Variants in TMEM230 observed in about 807,000 individuals in gnomAD.
TMEM230 encodes the protein UPF0414 transmembrane protein C20orf30.
In TMEM230, 10 loss-of-function variants were observed where a neutral mutation model predicts 15.8. The ratio of observed to expected loss-of-function variants is 0.63; its 90% CI spans 0.39 to 1.07. The LOEUF (loss-of-function observed/expected upper bound fraction) is 1.07, where lower values mean the gene tolerates loss of function less well. Ranked by LOEUF, TMEM230 falls within the 50% of genes least tolerant of loss-of-function variation. The pLI, the probability that TMEM230 is intolerant of heterozygous loss-of-function variation, is 0.01. For synonymous variants in TMEM230, 67 were observed against 76.9 expected (o/e 0.87, Z 0.68); for missense variants, 165 against 193.3 (o/e 0.85, Z 0.87).
rs150032926 is a variant in TMEM230 at position 5,087,573 on chromosome 20, C to T, written c.223-18224G>A. On this transcript the variant is annotated intron_variant, in intron 3 of 3. Transcript: ENST00000612323. Reference sequence around the variant, plus strand: ...GCAGTGGTACAATCTACAACCTCTACCTCCTCTCCCCTGGCCTGGGTAGAG... The same window carrying T: ...GCAGTGGTACAATCTACAACCTCTATCTCCTCTCCCCTGGCCTGGGTAGAG... Among the ~76,000 whole-genome samples, 373 of 151,482 alleles carry T rather than the reference C, an allele frequency of 2.5e-3. 7 individuals are homozygous for T. The East Asian group carries it at 0.029, about 12-fold the overall frequency.
downstream of TMEM230, among the ~76,000 whole-genome samples, chr20:5,066,906 A>T (rs924334854): frequency 1.3e-5 from 2 of 151,892 alleles, no homozygotes; most frequent in African/African-American, 2.4e-5. Flanking sequence ...ATCCACATAC[A>T]TCCAAGCCCC....
intron 3 of TMEM230, among the ~76,000 whole-genome samples, chr20:5,080,108 G>A (rs2089136763): frequency 6.6e-6 from 1 of 152,144 alleles, no homozygotes; most frequent in African/African-American, 2.4e-5. Context: ...ATGAGACAAT[G>A]TTCCTAAATG....
At chr20:5,105,624 T>A (rs1307295931) in intron 4 of TMEM230, among the ~76,000 whole-genome samples, 1 of 152,148 alleles carries the variant, frequency 6.6e-6, no homozygotes. Context: ...ATACAAATGA[T>A]GAATGCTTGA....
rs548101762 is a variant in TMEM230, at chr20:5,106,791, G to C, written c.289-481C>G. On this transcript the variant is annotated intron_variant, in intron 3 of 4. Coordinates refer to ENST00000342308, the MANE Select transcript of TMEM230 (RefSeq NM_001009923.2). Reference sequence around the variant, plus strand: ...TGCAATTACAGCTCATTGCAGCCTCGAACTCCTGGGCTCAAGCAATTCTCT... The same window carrying C: ...TGCAATTACAGCTCATTGCAGCCTCCAACTCCTGGGCTCAAGCAATTCTCT... 3.2e-4 allele frequency among the ~76,000 whole-genome samples: 48 copies of C among 152,168 alleles called. No individual in the cohort carries two copies. The East Asian group carries it at 8.1e-3, about 26-fold the overall frequency.
At chr20:5,072,647 G>A (rs567311111) in intron 3 of TMEM230, among the ~76,000 whole-genome samples, 7 of 151,996 alleles carry the variant, frequency 4.6e-5, no homozygotes, top group Admixed American at 2.0e-4. Context: ...TCGGGAGTTC[G>A]AGACCAGCCT....
chr20:5,066,954 G>T (rs1397365753), downstream of TMEM230, among the ~76,000 whole-genome samples: 1 of 152,002 alleles, frequency 6.6e-6, no homozygotes, highest in Non-Finnish European at 1.5e-5. Context: ...ACTTCAAAAT[G>T]AAGCAATATT....
At chr20:5,108,494 C>T (rs1255229903) in intron 3 of TMEM230, among the ~76,000 whole-genome samples, 1 of 151,058 alleles carries the variant, frequency 6.6e-6, no homozygotes, top group East Asian at 1.9e-4. Flanking sequence ...TTCCACATAG[C>T]AAGTAAACCT....
rs1433403239 is a variant in TMEM230, at chr20:5,113,051, C to T, written c.-23G>A. 2 of 1,543,378 alleles carry T rather than the reference C, an allele frequency of 1.3e-6. No homozygotes were observed. On this transcript the variant is annotated 5_prime_UTR_variant, in exon 1 of 5. It adds an upstream start codon to the 5' untranslated region. Coordinates refer to ENST00000342308, the MANE Select transcript of TMEM230 (RefSeq NM_001009923.2). ...CATGGCATGGCCCGCTTAAGTGCCA[C>T]TCAGCCGGCCCCAGGCGGGATCAGT...
At chr20:5,074,855 G>A (rs1450167176) in intron 3 of TMEM230, among the ~76,000 whole-genome samples, 1 of 152,052 alleles carries the variant, frequency 6.6e-6, no homozygotes, top group Non-Finnish European at 1.5e-5. Flanking sequence ...ATAAAGACAG[G>A]CCTTGCTATG....
At chr20:5,066,198 C>T (rs1216662720), downstream of TMEM230, 3 of 152,266 alleles carry the variant, frequency 2.0e-5, no homozygotes, top group Non-Finnish European at 4.4e-5. Flanking sequence ...TGGCTCTCCA[C>T]ATCCCAGGGC....
chr20:5,079,986 T>A (rs888511283), intron 3 of TMEM230, among the ~76,000 whole-genome samples: 1 of 152,330 alleles, frequency 6.6e-6, no homozygotes, highest in South Asian at 2.1e-4. Flanking sequence ...CATTACATCT[T>A]ACTGAGATAC....
intron 2 of TMEM230, chr20:5,111,484 C>A: frequency 5.1e-6 from 1 of 195,714 alleles, no homozygotes; most frequent in Non-Finnish European, 1.1e-5. Context: ...TGGTGGGTGC[C>A]TGTAGTCCCA....
rs1448187380 is a variant in TMEM230 at position 5,100,716 on chromosome 20, C to CA, written c.*74dup. ...GCAAGCTGCAGAATTCCTTAGTCCTCAGCTATAGTTTCTGCTAGATATCTT... is the reference window on the plus strand; with the variant it reads ...GCAAGCTGCAGAATTCCTTAGTCCTCAAGCTATAGTTTCTGCTAGATATCTT... On this transcript the variant is annotated 3_prime_UTR_variant, in exon 5 of 5. Transcript: ENST00000342308. 6.4e-7 allele frequency: 1 copy of CA among 1,568,028 alleles called. No individual in the cohort carries two copies. The highest frequency in any genetic ancestry group is 1.4e-5 in the African/African-American group (1 of 73,456).
intron 3 of TMEM230, among the ~76,000 whole-genome samples, chr20:5,081,207 G>A (rs1221377248): frequency 1.3e-5 from 2 of 152,206 alleles, no homozygotes; most frequent in Non-Finnish European, 2.9e-5. Flanking sequence ...GTTTGAATCT[G>A]AGATGTGTCC....
rs2089811044 is a variant in TMEM230 at position 5,100,509 on chromosome 20, TG to T, written c.*281del. The T allele has an allele frequency of 8.7e-7, 1 of 1,153,732 alleles. No homozygotes were observed. The highest frequency in any genetic ancestry group is 4.4e-5 in the Admixed American group (1 of 22,726). 71.5% of individuals were successfully genotyped at this position (1,153,732 alleles called of 1,614,324 possible). ...AAATGCTCAGCTCTACAGAGGGTGG[TG>T]GCAGGCAACACTTTTCCATTACAGA... On this transcript the variant is annotated 3_prime_UTR_variant, in exon 5 of 5. Transcript: ENST00000342308.
chr20:5,092,088 T>A (rs920849525), intron 3 of TMEM230, among the ~76,000 whole-genome samples: 1 of 152,234 alleles, frequency 6.6e-6, no homozygotes, highest in African/African-American at 2.4e-5. Flanking sequence ...ACTTTGTGCC[T>A]GCCTCCTTTG....
chr20:5,081,873 C>CTTTTTTTTTT (rs10547417), intron 3 of TMEM230, among the ~76,000 whole-genome samples: 6 of 43,868 alleles, frequency 1.4e-4, no homozygotes, highest in Non-Finnish European at 1.9e-4. Context: ...TCTTTTTTTT[C>CTTTTTTTTTT]TTTTTTTTTT....
chr20:5,091,223 GTTTT>G (rs1394547002), intron 3 of TMEM230, among the ~76,000 whole-genome samples: 1 of 152,000 alleles, frequency 6.6e-6, no homozygotes, highest in South Asian at 2.1e-4. Flanking sequence ...CTGTTTTACT[GTTTT>G]TTGTTTTTTT....
At chr20:5,061,644 T>C in the TMEM230 span, among the ~76,000 whole-genome samples, 1 of 152,148 alleles carries the variant, frequency 6.6e-6, no homozygotes, top group Admixed American at 6.6e-5. Context: ...ACATAGGTCA[T>C]AGGCTGATCT....
Sources: allele counts gnomAD v4.1 joint callset (sites outside exome capture counted in the v4.1 genomes callset), GRCh38; gene constraint gnomAD v4.1.1; transcripts MANE v1.5; gene names NCBI Gene and HGNC (gene_info 2026-07-23, HGNC 2026-07-21).